CSMD1: variants seen among roughly 807,000 people sequenced by gnomAD.
CSMD1 encodes CUB and Sushi multiple domains 1, also known as CUB and sushi domain-containing protein 1.
CSMD1 carries 213 observed loss-of-function variants against 417.5 expected under a neutral mutation model. The ratio of observed to expected loss-of-function variants is 0.51; its 90% CI spans 0.46 to 0.57. The LOEUF (loss-of-function observed/expected upper bound fraction) is 0.57, where lower values mean the gene tolerates loss of function less well. Ranked by LOEUF, CSMD1 falls within the 20% of genes least tolerant of loss-of-function variation. The probability of loss-of-function intolerance (pLI) is 0.00; values close to 1 mark genes in which losing one functional copy is unlikely to be tolerated. For missense variants in CSMD1, 6,923 were observed against 4,529.7 expected, an observed-to-expected ratio of 1.53 and a Z score of -15.17; for synonymous variants, 2,862 against 1,736.8, an observed-to-expected ratio of 1.65 and a Z score of -16.11.
intron 2 of CSMD1, among the ~76,000 whole-genome samples, chr8:4,459,448 T>C (rs1799677236): frequency 1.3e-5 from 2 of 152,186 alleles, no homozygotes; most frequent in Non-Finnish European, 2.9e-5. Context: ...TCAGAGATTT[T>C]TCCCAAGAGG....
intron 5 of CSMD1, among the ~76,000 whole-genome samples, chr8:3,810,018 T>C (rs1441955445): frequency 2.0e-5 from 3 of 152,186 alleles, no homozygotes; most frequent in Non-Finnish European, 4.4e-5. Flanking sequence ...ACATGCAAAA[T>C]TAATTGCTGC....
chr8:2,997,941 C>G (rs1208192808), intron 54 of CSMD1, 70 bp downstream of exon 54: 1 of 1,444,226 alleles, frequency 6.9e-7, no homozygotes, highest in Admixed American at 2.1e-5. Flanking sequence ...GAGACAGGCT[C>G]TTGATGGTGT....
At chr8:3,209,310 T>C (rs1310933354) in intron 30 of CSMD1, among the ~76,000 whole-genome samples, 2 of 148,524 alleles carry the variant, frequency 1.3e-5, no homozygotes, top group South Asian at 2.1e-4. Flanking sequence ...TTTATTTATT[T>C]ATTTATTTAT....
At chr8:2,951,774 C>G (rs1802655266) in intron 65 of CSMD1, among the ~76,000 whole-genome samples, 1 of 152,158 alleles carries the variant, frequency 6.6e-6, no homozygotes, top group South Asian at 2.1e-4. Flanking sequence ...ACCAAGTGGA[C>G]TTATGAAGAC....
intron 3 of CSMD1, among the ~76,000 whole-genome samples, chr8:4,185,192 C>G (rs968788361): frequency 7.3e-6 from 1 of 136,120 alleles, no homozygotes; most frequent in African/African-American, 2.7e-5. Context: ...AAAAGAAACA[C>G]AAAAATGCAA....
intron 5 of CSMD1, among the ~76,000 whole-genome samples, chr8:3,988,340 C>T (rs1284198964): frequency 1.3e-5 from 2 of 152,164 alleles, no homozygotes; most frequent in Admixed American, 6.5e-5. Flanking sequence ...TCTGAAATAG[C>T]ATAACTACTG....
intron 5 of CSMD1, among the ~76,000 whole-genome samples, chr8:3,763,223 C>T (rs1458534432): frequency 6.6e-6 from 1 of 152,086 alleles, no homozygotes; most frequent in Non-Finnish European, 1.5e-5. Context: ...TATATGAAAC[C>T]CTCGATGTTA....
intron 8 of CSMD1, among the ~76,000 whole-genome samples, chr8:3,604,320 T>C (rs1383587006): frequency 2.6e-5 from 4 of 152,110 alleles, no homozygotes; most frequent in Non-Finnish European, 4.4e-5. Context: ...CAAAGGTCCA[T>C]TTCAGATTGT....
At chr8:4,832,619 G>T (rs763174197) in intron 1 of CSMD1, among the ~76,000 whole-genome samples, 1 of 152,168 alleles carries the variant, frequency 6.6e-6, no homozygotes, top group Non-Finnish European at 1.5e-5. Context: ...AGGGATTATA[G>T]TAAGTGTCAA....
intron 3 of CSMD1, among the ~76,000 whole-genome samples, chr8:4,411,682 A>G (rs1796656065): frequency 6.6e-6 from 1 of 152,124 alleles, no homozygotes; most frequent in Non-Finnish European, 1.5e-5. Context: ...TTTCTCCTAC[A>G]CGTTTCTGAA....
intron 7 of CSMD1, among the ~76,000 whole-genome samples, chr8:3,685,194 G>C (rs1799885407): frequency 6.6e-6 from 1 of 152,138 alleles, no homozygotes; most frequent in African/African-American, 2.4e-5. Context: ...ATCCAAAGTT[G>C]CAAAATTGAA....
At chr8:3,329,307 G>A (rs1394628985) in intron 23 of CSMD1, among the ~76,000 whole-genome samples, 4 of 152,044 alleles carry the variant, frequency 2.6e-5, no homozygotes, top group African/African-American at 4.8e-5. Flanking sequence ...CTGGACAGCC[G>A]GACCCCTAAG....
In CSMD1 at chr8:4,637,330, T is replaced by C. The variant is rs1369344040; in HGVS notation, c.302+12A>G. 6.3e-7 allele frequency: 1 copy of C among 1,590,852 alleles called. No homozygotes were observed. Among genetic ancestry groups the C allele is most frequent in the Non-Finnish European group, 8.6e-7 (1 of 1,159,294 alleles). ...ACAGTGCTAACTGTAATATAAAAAG[T>C]TGATACCTTACCTCACTTTTAAATT... is the stretch of plus-strand genomic sequence containing the variant. On this transcript the variant is annotated intron_variant, in intron 2 of 69. Coordinates refer to ENST00000635120, the MANE Select transcript of CSMD1 (RefSeq NM_033225.6).
chr8:3,095,062 T>A (rs1322129811), intron 47 of CSMD1, among the ~76,000 whole-genome samples: 2 of 152,136 alleles, frequency 1.3e-5, no homozygotes, highest in East Asian at 1.9e-4. Context: ...GGAGATCAAA[T>A]TGCAAGCCAT....
intron 1 of CSMD1, among the ~76,000 whole-genome samples, chr8:4,893,149 T>C (rs1308997478): frequency 6.6e-6 from 1 of 152,174 alleles, no homozygotes; most frequent in East Asian, 1.9e-4. Flanking sequence ...AATACCTTTT[T>C]GTTGTTTTAA....
intron 5 of CSMD1, among the ~76,000 whole-genome samples, chr8:3,792,417 T>G (rs1267304080): frequency 1.3e-5 from 2 of 152,208 alleles, no homozygotes; most frequent in Admixed American, 1.3e-4. Flanking sequence ...CATATATATT[T>G]GGTTATAAAA....
intron 5 of CSMD1, among the ~76,000 whole-genome samples, chr8:3,787,434 T>A (rs1192455272): frequency 6.6e-6 from 1 of 152,170 alleles, no homozygotes; most frequent in Non-Finnish European, 1.5e-5. Flanking sequence ...TTCAATTCAT[T>A]TTCTAAATGA....
In CSMD1 at chr8:3,789,825, G is replaced by A. The variant is rs528596659; in HGVS notation, c.819-35783C>T. Among the ~76,000 whole-genome samples the A allele has an allele frequency of 2.1e-3, 318 of 150,894 alleles. 1 individual carries two copies. Among genetic ancestry groups the A allele is most frequent in the South Asian group, 5.9e-3 (28 of 4,762 alleles). Reference sequence around the variant, plus strand: ...GGCTCACTGCAAGCTCCGCCTCCCGGGGGTTGCACCATTCTCCTGCCTCAG... The same window carrying A: ...GGCTCACTGCAAGCTCCGCCTCCCGAGGGTTGCACCATTCTCCTGCCTCAG... On this transcript the variant is annotated intron_variant, in intron 5 of 69. Transcript: ENST00000635120.
At chr8:3,994,424 G>C (rs1261560377) in intron 5 of CSMD1, among the ~76,000 whole-genome samples, 2 of 138,264 alleles carry the variant, frequency 1.4e-5, no homozygotes, top group Non-Finnish European at 3.0e-5. Flanking sequence ...ACAAGTTATA[G>C]GCTACACCAT....
Sources: allele counts gnomAD v4.1 joint callset (sites outside exome capture counted in the v4.1 genomes callset), GRCh38; gene constraint gnomAD v4.1.1; transcripts MANE v1.5; gene names NCBI Gene and HGNC (gene_info 2026-07-23, HGNC 2026-07-21).